The following RAD51B variants were observed in gnomAD, a reference collection of about 807,000 sequenced individuals.
The protein encoded by RAD51B is RAD51 paralog B, also known as DNA repair protein RAD51 homolog 2.
A neutral mutation model predicts 42.2 loss-of-function variants in RAD51B; 38 were observed. The observed-to-expected ratio is 0.90, with a 90% CI of 0.70 to 1.18. RAD51B has a LOEUF of 1.18. Among genes scored for constraint, RAD51B ranks in the 50% most tolerant of loss-of-function variants. The pLI is 0.00. For missense variants in RAD51B, 373 were observed against 400.7 expected, an observed-to-expected ratio of 0.93 and a Z score of 0.59; for synonymous variants, 154 against 145.2, an observed-to-expected ratio of 1.06 and a Z score of -0.43.
At chr14:68,321,650 AG>A (rs2082159471) in intron 8 of RAD51B, among the ~76,000 whole-genome samples, 1 of 152,192 alleles carries the variant, frequency 6.6e-6, no homozygotes, top group African/African-American at 2.4e-5. Flanking sequence ...TTAAACTCTG[AG>A]CTTCTGTTGC....
chr14:68,348,626 G>A (rs2082720657), intron 8 of RAD51B, among the ~76,000 whole-genome samples: 2 of 152,188 alleles, frequency 1.3e-5, no homozygotes, highest in Non-Finnish European at 1.5e-5. Flanking sequence ...CTCGCCTGGC[G>A]CGGTGGCTCA....
Position 68,421,777 on chromosome 14 carries a change from C to T in RAD51B, c.957+10250C>T, listed in dbSNP as rs948523104. On this transcript the variant is annotated intron_variant, in intron 9 of 10. Transcript: ENST00000471583. ...CCTGGACCCAAAGCACTCCATGCCT[C>T]CACAATATTCGTGCCTTCTTTCACT... 15 of 1,598,460 alleles carry T rather than the reference C, an allele frequency of 9.4e-6. No homozygotes were observed. In the Admixed American group the frequency reaches 2.3e-4, roughly 25 times the overall value.
intron 10 of RAD51B, among the ~76,000 whole-genome samples, chr14:68,502,087 C>T (rs182774793): frequency 2.0e-5 from 3 of 152,334 alleles, no homozygotes; most frequent in Admixed American, 2.0e-4. Context: ...TGGGAGGGGA[C>T]GTCAATGTGC....
intron 11 of RAD51B, among the ~76,000 whole-genome samples, chr14:68,653,824 T>A (rs1892752940): frequency 6.6e-6 from 1 of 152,226 alleles, no homozygotes; most frequent in South Asian, 2.1e-4. Flanking sequence ...ACGTAGAGAC[T>A]ATGCTGGAGA....
intron 10 of RAD51B, among the ~76,000 whole-genome samples, chr14:68,605,032 G>T (rs866389698): frequency 6.6e-6 from 1 of 152,152 alleles, no homozygotes; most frequent in Non-Finnish European, 1.5e-5. Flanking sequence ...TGGCCCAGGC[G>T]GTGCTGCAGC....
intron 4 of RAD51B, among the ~76,000 whole-genome samples, chr14:67,846,497 C>T (rs957050162): frequency 6.6e-6 from 1 of 152,014 alleles, no homozygotes; most frequent in Non-Finnish European, 1.5e-5. Flanking sequence ...GGGGCGTGGC[C>T]GAGTGCATGT....
intron 3 of RAD51B, among the ~76,000 whole-genome samples, chr14:67,830,788 T>C (rs898420107): frequency 2.0e-5 from 3 of 152,120 alleles, no homozygotes; most frequent in Admixed American, 6.6e-5. Context: ...CTCTGACTTT[T>C]GCTTTGAGAA....
downstream of RAD51B, among the ~76,000 whole-genome samples, chr14:68,611,884 A>AT (rs11305901): frequency 0.032 from 4,734 of 149,270 alleles, 216 homozygotes; most frequent in African/African-American, 0.1. Flanking sequence ...CCAGTGTAAG[A>AT]TTTTTTTTTT....
chr14:68,335,245 C>T (rs562672096), intron 8 of RAD51B, among the ~76,000 whole-genome samples: 11 of 144,612 alleles, frequency 7.6e-5, no homozygotes, highest in East Asian at 6.0e-4. Context: ...TGTAGTGAGC[C>T]GAGATCGCAC....
At position 68,064,111 on chromosome 14, in the gene RAD51B, C is replaced by G. The variant is rs528748431; in HGVS notation, c.756+176907C>G. Among the ~76,000 whole-genome samples, 3 of 152,278 alleles carry G rather than the reference C, an allele frequency of 2.0e-5. No homozygotes were observed. The East Asian group carries it at 5.8e-4, about 29-fold the overall frequency. On this transcript the variant is annotated intron_variant, in intron 7 of 10. Transcript: ENST00000471583. ...TTCTTTTGCTTACAGATGTAGGACT[C>G]CCTTAATCATTTCTTGTAATGCCAG...
chr14:67,839,078 G>A (rs1273625629), intron 4 of RAD51B, among the ~76,000 whole-genome samples: 2 of 152,034 alleles, frequency 1.3e-5, no homozygotes, highest in Non-Finnish European at 2.9e-5. Context: ...TTTATAAACT[G>A]TTGGATTCAG....
chr14:68,477,945 A>T lies in RAD51B; in HGVS notation c.*281A>T, dbSNP rs1380088138. On this transcript the variant is annotated 3_prime_UTR_variant, in exon 11 of 11. Coordinates refer to ENST00000471583, the MANE Select transcript of RAD51B (RefSeq NM_133510.4). Reference sequence around the variant, plus strand: ...ACAGCCATAATAATAATTTGCACTTATATAGCACCTTTCAACCAGGCACCT... The same window carrying T: ...ACAGCCATAATAATAATTTGCACTTTTATAGCACCTTTCAACCAGGCACCT... 8.2e-7 allele frequency: 1 copy of T among 1,219,668 alleles called. No homozygotes were observed. Among genetic ancestry groups the T allele is most frequent in the Non-Finnish European group, 1.0e-6 (1 of 978,612 alleles). 75.6% of individuals were successfully genotyped at this position (1,219,668 alleles called of 1,614,324 possible).
chr14:68,319,208 G>A (rs1240626728), intron 8 of RAD51B, among the ~76,000 whole-genome samples: 1 of 152,082 alleles, frequency 6.6e-6, no homozygotes, highest in African/African-American at 2.4e-5. Context: ...GCAAATTCTT[G>A]GCCACTGTTT....
chr14:68,441,308 C>G (rs943288278), intron 9 of RAD51B, among the ~76,000 whole-genome samples: 1 of 147,378 alleles, frequency 6.8e-6, no homozygotes, highest in South Asian at 2.1e-4. Context: ...TTTGGGAGGC[C>G]GAGGTGGGTG....
intron 7 of RAD51B, among the ~76,000 whole-genome samples, chr14:68,073,038 A>G (rs68139749): frequency 1.3e-5 from 2 of 151,946 alleles, no homozygotes; most frequent in Non-Finnish European, 2.9e-5. Context: ...CTTTAGATGT[A>G]TGTTTAGTGT....
intron 10 of RAD51B, among the ~76,000 whole-genome samples, chr14:68,506,279 G>A (rs1300110683): frequency 6.6e-6 from 1 of 152,228 alleles, no homozygotes; most frequent in Non-Finnish European, 1.5e-5. Context: ...GCACATTAGC[G>A]AGTGAAGCTC....
chr14:68,433,544 C>A (rs4325481), intron 9 of RAD51B, among the ~76,000 whole-genome samples: 65,905 of 152,032 alleles, frequency 0.43, 14,587 homozygotes, highest in East Asian at 0.55. Flanking sequence ...CGACTCGGCT[C>A]CTGAAGCTTA....
rs139345220 is a variant in RAD51B, at chr14:68,095,894, T to C, written c.757-195990T>C. Among the ~76,000 whole-genome samples the C allele has an allele frequency of 3.7e-3, 522 of 140,646 alleles. 4 individuals carry two copies. The highest frequency in any genetic ancestry group is 0.014 in the African/African-American group (506 of 37,162). 92.3% of individuals were successfully genotyped at this position (140,646 alleles called of 152,430 possible). ...GGGAGGCTGAGGCAGGAGAATGGCG[T>C]GAACCAGGGAGGCAGAGCTTGCATG... is the stretch of plus-strand genomic sequence containing the variant. On this transcript the variant is annotated intron_variant, in intron 7 of 10. Coordinates refer to ENST00000471583, the MANE Select transcript of RAD51B (RefSeq NM_133510.4).
intron 7 of RAD51B, among the ~76,000 whole-genome samples, chr14:68,173,272 A>G (rs1595507901): frequency 6.6e-6 from 1 of 152,320 alleles, no homozygotes; most frequent in African/African-American, 2.4e-5. Context: ...TAGTTAATAC[A>G]TTTTGGTCTT....
Sources: allele counts gnomAD v4.1 joint callset (sites outside exome capture counted in the v4.1 genomes callset), GRCh38; gene constraint gnomAD v4.1.1; transcripts MANE v1.5; gene names NCBI Gene and HGNC (gene_info 2026-07-23, HGNC 2026-07-21).